PNISR: variants seen among roughly 807,000 people sequenced by gnomAD.
PNISR encodes the protein arginine/serine-rich protein PNISR.
In PNISR, 20 loss-of-function variants were observed where a neutral mutation model predicts 93.4. The observed-to-expected ratio is 0.21, with a 90% CI of 0.15 to 0.31. The LOEUF (loss-of-function observed/expected upper bound fraction) is 0.31, where lower values mean the gene tolerates loss of function less well. PNISR is among the 10% of genes least tolerant of loss of function. PNISR has a pLI of 1.00. For synonymous variants in PNISR, 305 were observed against 306.5 expected, an observed-to-expected ratio of 0.99 and a Z score of 0.05; for missense variants, 893 against 985.4, an observed-to-expected ratio of 0.91 and a Z score of 1.25.
In PNISR at chr6:99,413,448, T is replaced by A. The variant is rs543410935; in HGVS notation, c.89-709A>T. The stretch of plus-strand genomic sequence containing the variant: ...CATCCATCCATCCATTCATCCATGA[T>A]CCATCCATCCATCCATGTAGAGTCT... On this transcript the variant is annotated intron_variant, in intron 3 of 11. Coordinates refer to ENST00000369239, the MANE Select transcript of PNISR (RefSeq NM_032870.4). Among the ~76,000 whole-genome samples the A allele has an allele frequency of 2.3e-3, 343 of 151,784 alleles. 1 individual carries two copies. Among genetic ancestry groups the A allele is most frequent in the African/African-American group, 8.0e-3 (332 of 41,440 alleles).
At chr6:99,417,668 T>A (rs1449715257) in intron 1 of PNISR, among the ~76,000 whole-genome samples, 1 of 151,702 alleles carries the variant, frequency 6.6e-6, no homozygotes. Flanking sequence ...TAGGGGGTTT[T>A]AAAAAAAAGG....
Position 99,410,855 on chromosome 6 carries a change from C to T in PNISR, c.387G>A (p.Gln129=). Residue 129 remains glutamine, a synonymous_variant, in exon 5 of 12, where the codon CAG becomes CAA. Transcript: ENST00000369239. ...IVPPSEDSNS[Q]DSGEFAPDNR... is the part of the protein sequence containing the mutation. Reference sequence around the variant, plus strand: ...TGTCAGGGGCAAATTCCCCACTGTCCTGACTGTTGCTGTCTTCAGAAGGAG... The same window carrying T: ...TGTCAGGGGCAAATTCCCCACTGTCTTGACTGTTGCTGTCTTCAGAAGGAG... The T allele has an allele frequency of 6.2e-7, 1 of 1,614,086 alleles. No individual in the cohort carries two copies. Among genetic ancestry groups the T allele is most frequent in the Non-Finnish European group, 8.5e-7 (1 of 1,179,988 alleles).
At position 99,401,011 on chromosome 6, in the gene PNISR, A is replaced by G. The variant is rs143000310; in HGVS notation, c.1947T>C (p.Leu649=). Reference sequence around the variant, plus strand: ...CTTTATGCTTATGACTGTTCCCACTAAGATTTCCACGTTGATCATCAATTT... The same window carrying G: ...CTTTATGCTTATGACTGTTCCCACTGAGATTTCCACGTTGATCATCAATTT... ...RRKIDDQRGN[L]SGNSHKHKGE... is the part of the protein sequence containing the mutation. The change falls in exon 12 of 12, where the codon CTT becomes CTC. Residue 649 remains leucine (L), a synonymous_variant. Coordinates refer to ENST00000369239, the MANE Select transcript of PNISR (RefSeq NM_032870.4). 6.2e-6 allele frequency: 10 copies of G among 1,613,694 alleles called. No homozygotes were observed. Among genetic ancestry groups the G allele is most frequent in the Non-Finnish European group, 8.5e-6 (10 of 1,179,858 alleles).
chr6:99,425,263 C>T lies in PNISR; in HGVS notation c.-160G>A, dbSNP rs926019623. The T allele has an allele frequency of 7.3e-6, 9 of 1,232,082 alleles. No homozygotes were observed. The highest frequency in any genetic ancestry group is 9.1e-6 in the Non-Finnish European group (9 of 987,978). The allele number at this position is 1,232,082 out of a possible 1,614,324, so 76.3% of individuals were successfully genotyped here. On this transcript the variant is annotated 5_prime_UTR_variant, in exon 1 of 12. Transcript: ENST00000369239. ...TGTCGCCGCCGTTCCGGTAACACCT[C>T]TCCAACGCTTTCGATGCTTCTACTT... is the stretch of plus-strand genomic sequence containing the variant.
At chr6:99,415,292 TTAAC>T (rs1777530460) in intron 2 of PNISR, 1 of 152,204 alleles carries the variant, frequency 6.6e-6, no homozygotes, top group African/African-American at 2.4e-5. Context: ...TCAAAAATGT[TTAAC>T]TGAGTCCAAC....
chr6:99,412,770 C>T (rs1242493691), intron 3 of PNISR, 31 bp from the exon 4 acceptor site: 1 of 1,403,930 alleles, frequency 7.1e-7, no homozygotes. Flanking sequence ...CTTCAGCATT[C>T]AGAATGTAGG....
intron 5 of PNISR, chr6:99,410,518 G>A (rs1345446851): frequency 4.0e-6 from 2 of 503,994 alleles, no homozygotes; most frequent in African/African-American, 3.8e-5. Context: ...TTTTTCAAAA[G>A]TTTTCCGTAA....
At chr6:99,412,819 C>T (rs950802729) in intron 3 of PNISR, 80 bp from the exon 4 acceptor site, 5 of 861,172 alleles carry the variant, frequency 5.8e-6, no homozygotes, top group African/African-American at 5.1e-5. Context: ...ATAAGCAGCT[C>T]AACTATTCCT....
intron 3 of PNISR, 66 bp from the exon 4 acceptor site, chr6:99,412,805 T>C: frequency 1.0e-6 from 1 of 960,078 alleles, no homozygotes; most frequent in East Asian, 2.6e-5. Flanking sequence ...TGCCTCTATG[T>C]AAAATAAGCA....
At position 99,401,067 on chromosome 6, in the gene PNISR, C is replaced by A. The variant is rs1775423115; in HGVS notation, c.1891G>T (p.Ala631Ser). 1 of 1,613,654 alleles carries A rather than the reference C, an allele frequency of 6.2e-7. No homozygotes were observed. Residue 631 changes from alanine to serine, a missense_variant, in exon 12 of 12, where the codon GCC (alanine) becomes TCC (serine). This residue lies in a region of PNISR where 866 missense variants were observed against 935.1 expected (regional missense o/e 0.93). Coordinates refer to ENST00000369239, the MANE Select transcript of PNISR (RefSeq NM_032870.4). ...SRSRDRRTNR[A>S]SRSRSRDRRK... ...CTATCTCGACTCCTACTGCGACTGG[C>A]ACGATTGGTTCGTCTATCCCTTGAG...
intron 1 of PNISR, among the ~76,000 whole-genome samples, chr6:99,421,882 T>C (rs1778609539): frequency 6.6e-6 from 1 of 152,328 alleles, no homozygotes; most frequent in African/African-American, 2.4e-5. Flanking sequence ...ATTTATTTAT[T>C]ATTGAGAAAT....
rs1040969531 is a variant in PNISR, at chr6:99,410,732, A to G, written c.501+9T>C. 4.4e-6 allele frequency: 7 copies of G among 1,601,998 alleles called. No homozygotes were observed. The highest frequency in any genetic ancestry group is 6.0e-6 in the Non-Finnish European group (7 of 1,169,362). ...ATCTACAATATTAAAGCAACAAAAT[A>G]TCTTTCACCTGATAGTCAAACTGGT... On this transcript the variant is annotated intron_variant, in intron 5 of 11. Coordinates refer to ENST00000369239, the MANE Select transcript of PNISR (RefSeq NM_032870.4).
intron 7 of PNISR, among the ~76,000 whole-genome samples, chr6:99,406,983 C>T (rs1418018187): frequency 6.7e-6 from 1 of 149,474 alleles, no homozygotes; most frequent in Non-Finnish European, 1.5e-5. Context: ...ATTTTTGATG[C>T]TTAAAAAAAA....
chr6:99,410,789 T>C lies in PNISR; in HGVS notation c.453A>G (p.Gly151=), dbSNP rs777987675. ...IFNQNNHNFG[G]PPDNFAVGPV... Reference sequence around the variant, plus strand: ...GCCCCACTGCAAAATTATCGGGTGGTCCACCAAAGTTGTGATTGTTCTGGT... The same window carrying C: ...GCCCCACTGCAAAATTATCGGGTGGCCCACCAAAGTTGTGATTGTTCTGGT... Residue 151 remains glycine (G), a synonymous_variant, in exon 5 of 12, where the codon GGA becomes GGG. Transcript: ENST00000369239. 6.2e-7 allele frequency: 1 copy of C among 1,614,090 alleles called. No homozygotes were observed. The highest frequency in any genetic ancestry group is 1.1e-5 in the South Asian group (1 of 91,082).
intron 1 of PNISR, among the ~76,000 whole-genome samples, chr6:99,419,277 A>C (rs1328229428): frequency 6.6e-6 from 1 of 151,778 alleles, no homozygotes; most frequent in Non-Finnish European, 1.5e-5. Context: ...CTAAACCATG[A>C]ATGTGAATAT....
At position 99,400,428 on chromosome 6, in the gene PNISR, T is replaced by C; in HGVS notation, c.*112A>G. ...TTCTAACATTTAAGACTATGATTAT[T>C]TATCAAGTACCAAACTGAGTTTATT... On this transcript the variant is annotated 3_prime_UTR_variant, in exon 12 of 12. Coordinates refer to ENST00000369239, the MANE Select transcript of PNISR (RefSeq NM_032870.4). 7.3e-7 allele frequency: 1 copy of C among 1,378,894 alleles called. No homozygotes were observed. The highest frequency in any genetic ancestry group is 9.5e-7 in the Non-Finnish European group (1 of 1,054,406). 85.4% of individuals were successfully genotyped at this position (1,378,894 alleles called of 1,614,324 possible). A position where few individuals can be genotyped will look rare whatever the true frequency, so the allele number is the denominator to read the frequency against.
At position 99,410,983 on chromosome 6, in the gene PNISR, T is replaced by C. The variant is rs1582806571; in HGVS notation, c.278-19A>G. On this transcript the variant is annotated intron_variant, in intron 4 of 11. Transcript: ENST00000369239. ...CCCCATTCTATTTAAGATTTAGGCA[T>C]AAAAACATTCAACAGGCGGTTATAA... 6.4e-7 allele frequency: 1 copy of C among 1,566,222 alleles called. No individual in the cohort carries two copies. Among genetic ancestry groups the C allele is most frequent in the Non-Finnish European group, 8.8e-7 (1 of 1,137,736 alleles).
chr6:99,398,220 A>G lies in PNISR; in HGVS notation c.*2320T>C, dbSNP rs1261236699. Reference sequence around the variant, plus strand: ...TTTAATAGAACCTCTTAAACAAGACATTTTCATTAACCAATCCAGACCAAG... The same window carrying G: ...TTTAATAGAACCTCTTAAACAAGACGTTTTCATTAACCAATCCAGACCAAG... On this transcript the variant is annotated 3_prime_UTR_variant, in exon 12 of 12. Coordinates refer to ENST00000369239, the MANE Select transcript of PNISR (RefSeq NM_032870.4). 1 of 152,122 alleles carries G rather than the reference A, an allele frequency of 6.6e-6. No individual in the cohort carries two copies. The highest frequency in any genetic ancestry group is 1.5e-5 in the Non-Finnish European group (1 of 67,982). The allele number at this position is 152,122 out of a possible 1,614,324, so 9.4% of individuals were successfully genotyped here. A position where few individuals can be genotyped will look rare whatever the true frequency, so the allele number is the denominator to read the frequency against.
rs752076369 is a variant in PNISR, at chr6:99,399,139, A to G, written c.*1401T>C. 6.6e-6 allele frequency: 1 copy of G among 152,166 alleles called. No homozygotes were observed. Among genetic ancestry groups the G allele is most frequent in the African/African-American group, 2.4e-5 (1 of 41,454 alleles). 9.4% of individuals were successfully genotyped at this position (152,166 alleles called of 1,614,324 possible). On this transcript the variant is annotated 3_prime_UTR_variant, in exon 12 of 12. Transcript: ENST00000369239. ...AATGAACTATTGCTGGTAAGAAGGC[A>G]TACTTTAAAACTTTTCTGTGGCCTG...
Sources: allele counts gnomAD v4.1 joint callset (sites outside exome capture counted in the v4.1 genomes callset), GRCh38; gene constraint gnomAD v4.1.1; regional missense constraint gnomAD v4.1.1; transcripts MANE v1.5; gene names NCBI Gene and HGNC (gene_info 2026-07-23, HGNC 2026-07-21).